CDKL3: variants seen among roughly 807,000 people sequenced by gnomAD.
CDKL3 encodes the protein cyclin dependent kinase like 3.
In CDKL3, 65 loss-of-function variants were observed where a neutral mutation model predicts 69.3. That is an observed-to-expected ratio of 0.94 (90% CI 0.77 to 1.15). The LOEUF (loss-of-function observed/expected upper bound fraction) is 1.15, where lower values mean the gene tolerates loss of function less well. Among genes scored for constraint, CDKL3 ranks in the 50% most tolerant of loss-of-function variants. CDKL3 has a pLI of 0.00. For synonymous variants in CDKL3, 202 were observed against 221.6 expected, an observed-to-expected ratio of 0.91 and a Z score of 0.79; for missense variants, 652 against 689.2, an observed-to-expected ratio of 0.95 and a Z score of 0.61.
In CDKL3 at chr5:134,366,441, T is replaced by C. The variant is rs770359607; in HGVS notation, c.83A>G (p.Gln28Arg). The change falls in exon 2 of 13, where the codon CAG becomes CGG. Residue 28 changes from glutamine (Q) to arginine (R), a missense_variant. By Grantham distance (43) the Gln-to-Arg change is conservative (BLOSUM62 1). Transcript: ENST00000265334. ...VMKCKHKNTG[Q>R]IVAIKIFYER... Reference sequence around the variant, plus strand: ...ATAAAATATCTTAATGGCCACTATCTGCCCAGTATTCTTATGTTTACATTT... The same window carrying C: ...ATAAAATATCTTAATGGCCACTATCCGCCCAGTATTCTTATGTTTACATTT... 1.2e-6 allele frequency: 2 copies of C among 1,607,838 alleles called. No individual in the cohort carries two copies. Among genetic ancestry groups the C allele is most frequent in the Non-Finnish European group, 1.7e-6 (2 of 1,176,914 alleles).
chr5:134,342,724 T>C (rs980544684), intron 4 of CDKL3, among the ~76,000 whole-genome samples: 1 of 152,142 alleles, frequency 6.6e-6, no homozygotes, highest in Non-Finnish European at 1.5e-5. Context: ...TCCAAACTAA[T>C]CCACAGATAC....
In CDKL3 at chr5:134,367,133, C is replaced by A. The variant is rs1349210152; in HGVS notation, c.-178G>T. 1.0e-6 allele frequency: 1 copy of A among 985,642 alleles called. No homozygotes were observed. Among genetic ancestry groups the A allele is most frequent in the African/African-American group, 1.7e-5 (1 of 57,248 alleles). The allele number at this position is 985,642 out of a possible 1,614,324, so 61.1% of individuals were successfully genotyped here. ...GCTCAGCCCCGCAAGGAACCGGCCA[C>A]TTGCCACCATGGAAACGCCGGCGGA... On this transcript the variant is annotated 5_prime_UTR_variant, in exon 1 of 13. Coordinates refer to ENST00000265334, the MANE Select transcript of CDKL3 (RefSeq NM_001113575.2).
At chr5:134,314,683 G>T (rs1402608990) in intron 6 of CDKL3, among the ~76,000 whole-genome samples, 1 of 152,228 alleles carries the variant, frequency 6.6e-6, no homozygotes, top group Admixed American at 6.5e-5. Flanking sequence ...ATTATGCTGA[G>T]TGGAAGAAGC....
chr5:134,283,759 A>G (rs960360239), downstream of CDKL3, among the ~76,000 whole-genome samples: 2 of 152,070 alleles, frequency 1.3e-5, no homozygotes, highest in Non-Finnish European at 2.9e-5. Context: ...AGTCTACTCA[A>G]AAGTCCACTT....
chr5:134,348,407 GTT>G (rs1480316847), intron 4 of CDKL3, among the ~76,000 whole-genome samples: 2 of 152,060 alleles, frequency 1.3e-5, no homozygotes, highest in Non-Finnish European at 2.9e-5. Context: ...CTGTGTCTGT[GTT>G]TTCTTTTACA....
intron 12 of CDKL3, 47 bp from the exon 13 acceptor site, chr5:134,298,757 A>T: frequency 6.3e-7 from 1 of 1,586,710 alleles, no homozygotes; most frequent in Non-Finnish European, 8.5e-7. Flanking sequence ...TGGAATGTAA[A>T]TATATGCTAC....
chr5:134,366,210 T>C, intron 2 of CDKL3, 149 bp downstream of exon 2: 2 of 595,332 alleles, frequency 3.4e-6, no homozygotes, highest in Non-Finnish European at 5.7e-6. Context: ...TGTATCACTA[T>C]AAAATTACAA....
At chr5:134,300,530 G>T (rs2149414403) in intron 12 of CDKL3, among the ~76,000 whole-genome samples, 1 of 152,112 alleles carries the variant, frequency 6.6e-6, no homozygotes, top group Non-Finnish European at 1.5e-5. Context: ...CAAAATTTAA[G>T]AAATGTTCTT....
chr5:134,334,083 C>T (rs1246788602), intron 4 of CDKL3, among the ~76,000 whole-genome samples: 4 of 152,114 alleles, frequency 2.6e-5, no homozygotes. Flanking sequence ...TCTACATTTT[C>T]TAATTATTTG....
intron 4 of CDKL3, among the ~76,000 whole-genome samples, chr5:134,332,699 T>G (rs1776096061): frequency 6.6e-6 from 1 of 152,228 alleles, no homozygotes; most frequent in African/African-American, 2.4e-5. Context: ...TACTGTAGCC[T>G]TGTAGTATAG....
At chr5:134,364,973 A>ATT (rs746415237) in intron 2 of CDKL3, among the ~76,000 whole-genome samples, 4 of 134,010 alleles carry the variant, frequency 3.0e-5, no homozygotes, top group Non-Finnish European at 3.2e-5. Context: ...TGCCTGGCTA[A>ATT]TTTTTTTTTT....
chr5:134,327,800 A>T (rs1774775813), intron 4 of CDKL3, among the ~76,000 whole-genome samples: 1 of 152,230 alleles, frequency 6.6e-6, no homozygotes, highest in Non-Finnish European at 1.5e-5. Context: ...AAAGCTATCA[A>T]CGAGTGGAGT....
intron 7 of CDKL3, among the ~76,000 whole-genome samples, chr5:134,309,960 A>G (rs969712308): frequency 9.9e-5 from 15 of 152,006 alleles, no homozygotes; most frequent in African/African-American, 3.6e-4. Flanking sequence ...CCTCCGTAGT[A>G]GCTGGGACTA....
intron 4 of CDKL3, among the ~76,000 whole-genome samples, chr5:134,348,717 T>C (rs1014616637): frequency 1.3e-5 from 2 of 152,110 alleles, no homozygotes; most frequent in Non-Finnish European, 2.9e-5. Context: ...AGCTACATCA[T>C]CAAATGAGGG....
chr5:134,369,634 G>A (rs1371623827), upstream of CDKL3, among the ~76,000 whole-genome samples: 1 of 152,072 alleles, frequency 6.6e-6, no homozygotes, highest in East Asian at 1.9e-4. Context: ...TCAGTGGCAT[G>A]ATGATGGCTC....
intron 4 of CDKL3, among the ~76,000 whole-genome samples, chr5:134,325,743 A>C (rs1773981179): frequency 6.6e-6 from 1 of 151,764 alleles, no homozygotes; most frequent in South Asian, 2.1e-4. Flanking sequence ...TCAAGCTTTA[A>C]GTTAATTGTT....
At chr5:134,332,993 T>C (rs1776183286) in intron 4 of CDKL3, among the ~76,000 whole-genome samples, 1 of 152,262 alleles carries the variant, frequency 6.6e-6, no homozygotes, top group Non-Finnish European at 1.5e-5. Flanking sequence ...GTAGTTCTCC[T>C]TGAAGAGGTC....
intron 5 of CDKL3, among the ~76,000 whole-genome samples, chr5:134,319,787 T>C (rs1405589231): frequency 6.6e-6 from 1 of 152,212 alleles, no homozygotes; most frequent in South Asian, 2.1e-4. Context: ...TATCAGAAAA[T>C]GCATATTCCA....
chr5:134,305,407 C>A (rs1767543051), intron 10 of CDKL3, among the ~76,000 whole-genome samples: 1 of 152,188 alleles, frequency 6.6e-6, no homozygotes, highest in South Asian at 2.1e-4. Context: ...AGCCACTGTG[C>A]CTGGCCAGAA....
Sources: allele counts gnomAD v4.1 joint callset (sites outside exome capture counted in the v4.1 genomes callset), GRCh38; gene constraint gnomAD v4.1.1; transcripts MANE v1.5; gene names NCBI Gene and HGNC (gene_info 2026-07-23, HGNC 2026-07-21).